Variants in LIN52 observed in about 807,000 individuals in gnomAD.
LIN52 encodes the protein lin-52 DREAM MuvB core complex component.
In LIN52, 4 loss-of-function variants were observed where a neutral mutation model predicts 18.5. The observed-to-expected ratio is 0.22, with a 90% confidence interval of 0.11 to 0.49. LIN52 has a LOEUF of 0.49. LIN52 is among the 20% of genes least tolerant of loss of function. The pLI is 0.97. For synonymous variants in LIN52, 34 were observed against 45.5 expected (o/e 0.75, Z 1.02); for missense variants, 102 against 139.5 (o/e 0.73, Z 1.35).
chr14:74,150,886 C>G (rs1248766739), intron 5 of LIN52, among the ~76,000 whole-genome samples: 1 of 152,146 alleles, frequency 6.6e-6, no homozygotes, highest in South Asian at 2.1e-4. Flanking sequence ...CCTCCCGCCC[C>G]CCTGCTCCAA....
intron 5 of LIN52, among the ~76,000 whole-genome samples, chr14:74,191,885 T>G (rs2078879226): frequency 6.6e-6 from 1 of 152,164 alleles, no homozygotes; most frequent in Non-Finnish European, 1.5e-5. Flanking sequence ...TCTGCCCACC[T>G]CGGCCTTCCA....
At chr14:74,093,525 C>G (rs1328259473) in intron 2 of LIN52, among the ~76,000 whole-genome samples, 1 of 151,378 alleles carries the variant, frequency 6.6e-6, no homozygotes, top group African/African-American at 2.4e-5. Context: ...GAGGCTTCAC[C>G]ATGTTGGACA....
In LIN52 at chr14:74,088,809, AC is replaced by A. The variant is rs2060752196; in HGVS notation, c.20-2422del. The stretch of plus-strand genomic sequence containing the variant: ...AACTGCTGTTTATAGCATTAAATGA[AC>A]TAGTTATGCAACTGGTTAGCATACT... On this transcript the variant is annotated intron_variant, in intron 1 of 5. Coordinates refer to ENST00000555028, the MANE Select transcript of LIN52 (RefSeq NM_001024674.3). Among the ~76,000 whole-genome samples, 4 of 152,352 alleles carry A rather than the reference AC, an allele frequency of 2.6e-5. No homozygotes were observed. The South Asian group carries it at 8.3e-4, about 32-fold the overall frequency.
chr14:74,128,459 A>G (rs1183308029), intron 5 of LIN52, among the ~76,000 whole-genome samples: 1 of 152,170 alleles, frequency 6.6e-6, no homozygotes, highest in East Asian at 1.9e-4. Context: ...AGTGCCTGGC[A>G]CCACTGGGCC....
At chr14:74,146,739 A>G in intron 5 of LIN52, among the ~76,000 whole-genome samples, 1 of 152,334 alleles carries the variant, frequency 6.6e-6, no homozygotes, top group Admixed American at 6.5e-5. Context: ...CTTGAAAAAG[A>G]ACAAAGTTGA....
At chr14:74,153,950 A>G (rs115242618) in intron 5 of LIN52, among the ~76,000 whole-genome samples, 273 of 152,334 alleles carry the variant, frequency 1.8e-3, no homozygotes, top group African/African-American at 6.2e-3. Context: ...TTGTTTTTCA[A>G]TAAGTTGTAA....
intron 4 of LIN52, 87 bp downstream of exon 4, chr14:74,097,947 A>G: frequency 9.9e-7 from 1 of 1,009,608 alleles, no homozygotes; most frequent in Non-Finnish European, 1.5e-6. Flanking sequence ...TTTCCTTACA[A>G]GTATTTTTGG....
chr14:74,163,142 T>C (rs901524854), intron 5 of LIN52, among the ~76,000 whole-genome samples: 1 of 152,164 alleles, frequency 6.6e-6, no homozygotes, highest in African/African-American at 2.4e-5. Context: ...AGTACAGTGG[T>C]ACAATCTCAG....
intron 5 of LIN52, among the ~76,000 whole-genome samples, chr14:74,121,400 G>A (rs2060998633): frequency 6.6e-6 from 1 of 152,184 alleles, no homozygotes; most frequent in Non-Finnish European, 1.5e-5. Context: ...TCATAAGTAA[G>A]TGATGCAAGT....
chr14:74,100,241 G>A (rs191558242), intron 4 of LIN52, among the ~76,000 whole-genome samples: 2 of 152,284 alleles, frequency 1.3e-5, no homozygotes, highest in South Asian at 2.1e-4. Flanking sequence ...TTTTAATGAT[G>A]TATTCCAAAC....
At chr14:74,181,315 C>T (rs2061317798) in intron 5 of LIN52, among the ~76,000 whole-genome samples, 2 of 151,186 alleles carry the variant, frequency 1.3e-5, no homozygotes, top group Non-Finnish European at 2.9e-5. Flanking sequence ...CCGGTCCAGG[C>T]ATGGTGGCCA....
At position 74,199,956 on chromosome 14, in the gene LIN52, A is replaced by G. The variant is rs2078936970; in HGVS notation, c.*979A>G. 1 of 152,206 alleles carries G rather than the reference A, an allele frequency of 6.6e-6. No individual in the cohort carries two copies. Among genetic ancestry groups the G allele is most frequent in the Non-Finnish European group, 1.5e-5 (1 of 68,032 alleles). 9.4% of individuals were successfully genotyped at this position (152,206 alleles called of 1,614,324 possible). ...CACGAAAAAGAATCTTCTGACTTAAATACAACTTTCATGGAGTTCTTCACC... is the reference window on the plus strand; with the variant it reads ...CACGAAAAAGAATCTTCTGACTTAAGTACAACTTTCATGGAGTTCTTCACC... On this transcript the variant is annotated 3_prime_UTR_variant, in exon 6 of 6. Coordinates refer to ENST00000555028, the MANE Select transcript of LIN52 (RefSeq NM_001024674.3).
chr14:74,100,449 C>T (rs766398612), intron 4 of LIN52, among the ~76,000 whole-genome samples: 5 of 151,966 alleles, frequency 3.3e-5, no homozygotes, highest in Non-Finnish European at 7.4e-5. Context: ...TACAGGCATA[C>T]ACCACCATAC....
Position 74,097,779 on chromosome 14 carries a change from A to G in LIN52, c.133-15A>G. On this transcript the variant is annotated splice_polypyrimidine_tract_variant and intron_variant, in intron 3 of 5. Transcript: ENST00000555028. ...ACTTTTTATGTGTCTGAATGGATAT[A>G]TTATTTTTTGACAGCCTATTACTAG... 2 of 1,577,506 alleles carry G rather than the reference A, an allele frequency of 1.3e-6. No homozygotes were observed. The highest frequency in any genetic ancestry group is 2.7e-5 in the African/African-American group (2 of 74,252).
At chr14:74,098,896 C>G (rs114885894) in intron 4 of LIN52, among the ~76,000 whole-genome samples, 2,832 of 152,180 alleles carry the variant, frequency 0.019, 57 homozygotes, top group African/African-American at 0.051. Flanking sequence ...AACACAAGTG[C>G]CTTATTTAGA....
chr14:74,100,956 T>G (rs1163277969), intron 4 of LIN52, among the ~76,000 whole-genome samples, 199 bp from the exon 5 acceptor site: 2 of 152,188 alleles, frequency 1.3e-5, no homozygotes, highest in Admixed American at 1.3e-4. Flanking sequence ...GGTAAGCTTA[T>G]CTGAGGAATT....
intron 5 of LIN52, among the ~76,000 whole-genome samples, chr14:74,150,720 A>G (rs890592937): frequency 1.2e-4 from 18 of 152,254 alleles, no homozygotes; most frequent in African/African-American, 4.1e-4. Flanking sequence ...GAAAATGAAT[A>G]CACTCTAAGG....
intron 5 of LIN52, among the ~76,000 whole-genome samples, chr14:74,122,135 AAGG>A (rs2061003779): frequency 6.6e-6 from 1 of 152,242 alleles, no homozygotes; most frequent in Non-Finnish European, 1.5e-5. Context: ...ATTAACCAAA[AAGG>A]AGAATATTGC....
At chr14:74,099,608 G>A (rs1011763265) in intron 4 of LIN52, among the ~76,000 whole-genome samples, 1 of 151,560 alleles carries the variant, frequency 6.6e-6, no homozygotes, top group Non-Finnish European at 1.5e-5. Flanking sequence ...GTGTGTGTGT[G>A]TATGTGTGTG....
Sources: gnomAD v4.1 joint callset for allele counts (sites outside exome capture counted in the v4.1 genomes callset) on GRCh38, gnomAD v4.1.1 for gene constraint, MANE v1.5 for transcripts, NCBI Gene and HGNC (gene_info 2026-07-23, HGNC 2026-07-21) for gene names.